The following LRRIQ1 variants were observed in gnomAD, a reference collection of about 807,000 sequenced individuals.
LRRIQ1 encodes the protein leucine rich repeats and IQ motif containing 1, also known as leucine-rich repeat- and IQ domain-containing protein 1.
LRRIQ1 carries 210 observed loss-of-function variants against 211.9 expected under a neutral mutation model. The ratio of observed to expected loss-of-function variants is 0.99; its 90% CI spans 0.89 to 1.11. LRRIQ1 has a LOEUF of 1.11. LRRIQ1 is among the 50% of genes most tolerant of loss of function. The pLI is 0.00. For synonymous variants in LRRIQ1, 699 were observed against 650.1 expected, an observed-to-expected ratio of 1.08 and a Z score of -1.14; for missense variants, 2,136 against 1,939.5, an observed-to-expected ratio of 1.10 and a Z score of -1.90.
downstream of LRRIQ1, among the ~76,000 whole-genome samples, chr12:85,246,617 ATATAAT>A (rs1016121968): frequency 2.7e-4 from 41 of 151,500 alleles, 1 homozygote; most frequent in African/African-American, 9.6e-4. Flanking sequence ...GATTTTAGAG[ATATAAT>A]TATATAGAGT....
chr12:85,189,880 T>C lies in LRRIQ1; in HGVS notation c.4822+29166T>C, dbSNP rs927785917. Among the ~76,000 whole-genome samples, 8 of 144,458 alleles carry C rather than the reference T, an allele frequency of 5.5e-5. No homozygotes were observed. In the East Asian group the frequency reaches 1.2e-3, roughly 22 times the overall value. The allele number at this position is 144,458 out of a possible 152,430, so 94.8% of individuals were successfully genotyped here. On this transcript the variant is annotated intron_variant, in intron 24 of 26. Coordinates refer to ENST00000393217, the MANE Select transcript of LRRIQ1 (RefSeq NM_001079910.2). ...TAATTTATATATTTATATAAGATTA[T>C]ATATTATATATCATATATTATATCT...
chr12:85,190,244 T>C (rs1404742721), intron 24 of LRRIQ1, among the ~76,000 whole-genome samples: 3 of 144,912 alleles, frequency 2.1e-5, no homozygotes, highest in African/African-American at 7.4e-5. Flanking sequence ...TAATATACAT[T>C]ATATTATATA....
intron 24 of LRRIQ1, among the ~76,000 whole-genome samples, chr12:85,196,278 TC>T (rs1192003735): frequency 1.3e-5 from 2 of 151,958 alleles, no homozygotes; most frequent in African/African-American, 2.4e-5. Context: ...TTCAATGCCA[TC>T]CCCATCAAGC....
intron 24 of LRRIQ1, among the ~76,000 whole-genome samples, chr12:85,196,030 T>C (rs960091868): frequency 1.3e-5 from 2 of 151,836 alleles, no homozygotes; most frequent in South Asian, 2.1e-4. Flanking sequence ...TATACACCAA[T>C]AACAGACAAA....
At chr12:85,107,360 G>A (rs540307807) in intron 15 of LRRIQ1, among the ~76,000 whole-genome samples, 7 of 152,002 alleles carry the variant, frequency 4.6e-5, no homozygotes, top group African/African-American at 1.7e-4. Flanking sequence ...CCCTCCCCTA[G>A]TATTTTAAAA....
chr12:85,262,589 A>G (rs1411308832), intron 1 of LRRIQ1, among the ~76,000 whole-genome samples: 2 of 152,060 alleles, frequency 1.3e-5, no homozygotes, highest in African/African-American at 4.8e-5. Flanking sequence ...ATAAACAAAT[A>G]TAAGTACCTT....
At chr12:85,245,480 T>C (rs917226223), downstream of LRRIQ1, among the ~76,000 whole-genome samples, 1 of 147,684 alleles carries the variant, frequency 6.8e-6, no homozygotes, top group Non-Finnish European at 1.5e-5. Context: ...TGGTGAGAAA[T>C]ATACATATAT....
intron 1 of LRRIQ1, 118 bp from the exon 2 acceptor site, chr12:85,038,035 G>A (rs1343434880): frequency 3.8e-6 from 2 of 522,674 alleles, no homozygotes; most frequent in Non-Finnish European, 6.0e-6. Flanking sequence ...ACCATAATAA[G>A]GTGTGATAAA....
downstream of LRRIQ1, among the ~76,000 whole-genome samples, chr12:85,246,951 A>G (rs1895738750): frequency 6.6e-6 from 1 of 151,528 alleles, no homozygotes; most frequent in Non-Finnish European, 1.5e-5. Context: ...AATAGGAATG[A>G]TAATAGAAGC....
chr12:85,157,046 G>C (rs1427726392), intron 23 of LRRIQ1, among the ~76,000 whole-genome samples: 1 of 151,796 alleles, frequency 6.6e-6, no homozygotes, highest in Non-Finnish European at 1.5e-5. Flanking sequence ...AGGGATATGA[G>C]TCAATAATAT....
At chr12:85,176,783 A>G (rs1592926956) in intron 24 of LRRIQ1, among the ~76,000 whole-genome samples, 2 of 152,078 alleles carry the variant, frequency 1.3e-5, no homozygotes, top group Non-Finnish European at 2.9e-5. Context: ...AGAATTTTAG[A>G]TGGGTCTATA....
chr12:85,197,615 G>A (rs1357247149), intron 24 of LRRIQ1, among the ~76,000 whole-genome samples: 1 of 151,272 alleles, frequency 6.6e-6, no homozygotes, highest in Non-Finnish European at 1.5e-5. Context: ...ACTCATAGGT[G>A]GGAACTGAAC....
At chr12:85,039,315 A>G (rs568443746) in intron 2 of LRRIQ1, among the ~76,000 whole-genome samples, 1 of 151,572 alleles carries the variant, frequency 6.6e-6, no homozygotes, top group Admixed American at 6.6e-5. Flanking sequence ...CAGGGGAAAA[A>G]ATTATTAACT....
intron 24 of LRRIQ1, among the ~76,000 whole-genome samples, chr12:85,226,978 A>G (rs1369708950): frequency 1.3e-5 from 2 of 152,098 alleles, no homozygotes; most frequent in African/African-American, 4.8e-5. Context: ...GAATAGTGCC[A>G]CAATAAACAT....
intron 24 of LRRIQ1, among the ~76,000 whole-genome samples, chr12:85,195,335 C>A (rs1403716322): frequency 6.6e-6 from 1 of 151,792 alleles, no homozygotes; most frequent in Non-Finnish European, 1.5e-5. Context: ...AGGCCAGCAT[C>A]ATTCTGATAC....
intron 15 of LRRIQ1, among the ~76,000 whole-genome samples, chr12:85,112,760 G>C (rs1338497967): frequency 1.3e-5 from 2 of 151,994 alleles, no homozygotes; most frequent in Admixed American, 1.3e-4. Context: ...GCGTTAGTTG[G>C]ACTCATGTAA....
At position 85,128,037 on chromosome 12, in the gene LRRIQ1, A is replaced by G. The variant is rs377024357; in HGVS notation, c.4209+4A>G. On this transcript the variant is annotated splice_donor_region_variant and intron_variant, in intron 18 of 26. Coordinates refer to ENST00000393217, the MANE Select transcript of LRRIQ1 (RefSeq NM_001079910.2). ...GAAGGCTGCTATTCTTATTCAGGTT[A>G]ATTTCAATCTTTTGGTAACATAGTT... The G allele has an allele frequency of 6.3e-7, 1 of 1,587,828 alleles. No individual in the cohort carries two copies. The highest frequency in any genetic ancestry group is 1.3e-5 in the African/African-American group (1 of 74,342).
At chr12:85,052,893 A>G (rs1880501677) in intron 7 of LRRIQ1, among the ~76,000 whole-genome samples, 1 of 152,160 alleles carries the variant, frequency 6.6e-6, no homozygotes, top group Non-Finnish European at 1.5e-5. Flanking sequence ...TCACCTATAG[A>G]TAATCCAAAT....
chr12:85,074,546 G>GT (rs1179930945), intron 11 of LRRIQ1, among the ~76,000 whole-genome samples: 13 of 151,298 alleles, frequency 8.6e-5, no homozygotes, highest in African/African-American at 2.9e-4. Context: ...CATTCATTCT[G>GT]TTTTTTTTAT....
Sources: gnomAD v4.1 joint callset for allele counts (sites outside exome capture counted in the v4.1 genomes callset) on GRCh38, gnomAD v4.1.1 for gene constraint, MANE v1.5 for transcripts, NCBI Gene and HGNC (gene_info 2026-07-23, HGNC 2026-07-21) for gene names.